The following CCSER1 variants were observed in gnomAD, a reference collection of about 807,000 sequenced individuals.
CCSER1 encodes the protein coiled-coil serine rich protein 1.
Under a neutral mutation model 82.0 loss-of-function variants are expected in CCSER1, and 41 were observed. The observed-to-expected ratio is 0.50, with a 90% CI of 0.39 to 0.65. The LOEUF is 0.65. CCSER1 is among the 30% of genes least tolerant of loss of function. The probability of loss-of-function intolerance (pLI) is 0.00; values close to 1 mark genes in which losing one functional copy is unlikely to be tolerated. For missense variants in CCSER1, 1,119 were observed against 1,064.2 expected (o/e 1.05, Z -0.72); for synonymous variants, 414 against 383.9 (o/e 1.08, Z -0.92).
In CCSER1 at chr4:90,160,768, G is replaced by A. The variant is rs560280312; in HGVS notation, c.-42+32937G>A. 1.4e-4 allele frequency among the ~76,000 whole-genome samples: 21 copies of A among 152,234 alleles called. No individual in the cohort carries two copies. The South Asian group carries it at 3.9e-3, about 29-fold the overall frequency. ...AAACAATAGAATGTAGACCTCTAGA[G>A]GAAGAGTTAACTGCACATAGGAAGC... On this transcript the variant is annotated intron_variant, in intron 1 of 10. Transcript: ENST00000509176.
At chr4:91,066,779 T>A (rs1720858963) in intron 9 of CCSER1, among the ~76,000 whole-genome samples, 1 of 152,178 alleles carries the variant, frequency 6.6e-6, no homozygotes, top group Non-Finnish European at 1.5e-5. Flanking sequence ...CATGCTAACA[T>A]TCTATGTCTT....
rs555853691 is a variant in CCSER1 at position 90,780,751 on chromosome 4, T to C, written c.2011-35011T>C. 1.2e-5 allele frequency: 15 copies of C among 1,229,728 alleles called. No homozygotes were observed. The East Asian group carries it at 5.2e-4, about 42-fold the overall frequency. The allele number at this position is 1,229,728 out of a possible 1,614,324, so 76.2% of individuals were successfully genotyped here. On this transcript the variant is annotated intron_variant, in intron 7 of 10. Transcript: ENST00000509176. ...ATACTCCCTTTTTACTTTATTAAAA[T>C]GGTTTGTAAAGGTAAACTAAATTGA...
At chr4:91,562,545 G>C (rs1036973114) in intron 10 of CCSER1, among the ~76,000 whole-genome samples, 3 of 151,324 alleles carry the variant, frequency 2.0e-5, no homozygotes, top group Non-Finnish European at 4.4e-5. Context: ...TAAATAGATG[G>C]AGGCAGCACA....
chr4:90,460,030 T>C (rs1560550594), intron 4 of CCSER1, among the ~76,000 whole-genome samples: 1 of 152,030 alleles, frequency 6.6e-6, no homozygotes, highest in African/African-American at 2.4e-5. Flanking sequence ...AAAAGAACTA[T>C]TCAAAAACTA....
chr4:90,868,673 A>T (rs1766053666), intron 8 of CCSER1, among the ~76,000 whole-genome samples: 2 of 152,004 alleles, frequency 1.3e-5, no homozygotes, highest in South Asian at 4.1e-4. Context: ...AAAAATGGAG[A>T]TATACCTTTA....
chr4:91,036,736 G>C (rs1741463294), intron 9 of CCSER1, among the ~76,000 whole-genome samples: 1 of 152,076 alleles, frequency 6.6e-6, no homozygotes, highest in African/African-American at 2.4e-5. Context: ...AAAAAATAAG[G>C]AGTTAGATAA....
intron 10 of CCSER1, among the ~76,000 whole-genome samples, chr4:91,177,360 T>C (rs1322091287): frequency 6.6e-6 from 1 of 152,324 alleles, no homozygotes; most frequent in South Asian, 2.1e-4. Context: ...GATTCCCTCT[T>C]TTTCTGTTCA....
intron 5 of CCSER1, among the ~76,000 whole-genome samples, chr4:90,622,927 T>C (rs1349556798): frequency 1.3e-5 from 2 of 152,064 alleles, no homozygotes; most frequent in Non-Finnish European, 2.9e-5. Flanking sequence ...CTCCAGCACC[T>C]GTTGTTTCCT....
chr4:90,575,684 T>G (rs569541095), intron 5 of CCSER1, among the ~76,000 whole-genome samples: 1 of 152,168 alleles, frequency 6.6e-6, no homozygotes, highest in South Asian at 2.1e-4. Context: ...AACAAATATT[T>G]ACTTTCCTCA....
At chr4:91,302,322 T>C (rs1245399013) in intron 10 of CCSER1, among the ~76,000 whole-genome samples, 1 of 152,046 alleles carries the variant, frequency 6.6e-6, no homozygotes, top group African/African-American at 2.4e-5. Context: ...TTCCTCTTTT[T>C]CTCTTCACTG....
chr4:91,148,510 GT>G (rs1456413930), intron 10 of CCSER1, among the ~76,000 whole-genome samples: 1 of 151,760 alleles, frequency 6.6e-6, no homozygotes, highest in East Asian at 1.9e-4. Flanking sequence ...TATACTTTAA[GT>G]TCCAGGGTTC....
At chr4:90,965,249 A>G (rs929857378) in intron 9 of CCSER1, among the ~76,000 whole-genome samples, 3 of 152,108 alleles carry the variant, frequency 2.0e-5, no homozygotes, top group South Asian at 4.1e-4. Flanking sequence ...TAAATGGAAA[A>G]TCTGGGAGAT....
At chr4:90,382,888 A>G (rs192223063) in intron 3 of CCSER1, among the ~76,000 whole-genome samples, 168 of 152,206 alleles carry the variant, frequency 1.1e-3, no homozygotes, top group African/African-American at 3.8e-3. Flanking sequence ...ATTGCTGAGT[A>G]TTAAATTGCA....
chr4:90,414,013 T>TATATATA (rs1755422871), intron 4 of CCSER1, among the ~76,000 whole-genome samples: 4 of 121,280 alleles, frequency 3.3e-5, no homozygotes, highest in South Asian at 3.0e-4. Context: ...TATATATATC[T>TATATATA]TCTTCCTAAA....
intron 8 of CCSER1, among the ~76,000 whole-genome samples, chr4:90,874,034 G>A (rs1766888648): frequency 6.6e-6 from 1 of 152,128 alleles, no homozygotes; most frequent in Non-Finnish European, 1.5e-5. Flanking sequence ...GAAAGAGAAT[G>A]CTAATGTAAT....
At chr4:91,139,027 CT>C (rs1728766119) in intron 10 of CCSER1, among the ~76,000 whole-genome samples, 1 of 152,232 alleles carries the variant, frequency 6.6e-6, no homozygotes, top group African/African-American at 2.4e-5. Context: ...AACCTTGCCC[CT>C]CTCCCTTCCT....
intron 6 of CCSER1, among the ~76,000 whole-genome samples, chr4:90,701,823 T>C (rs1738217641): frequency 6.6e-6 from 1 of 152,248 alleles, no homozygotes; most frequent in Admixed American, 6.5e-5. Flanking sequence ...ACATTGATTT[T>C]GTATCCTGAG....
chr4:90,939,924 T>A (rs1731394123), intron 9 of CCSER1, among the ~76,000 whole-genome samples: 1 of 152,142 alleles, frequency 6.6e-6, no homozygotes, highest in South Asian at 2.1e-4. Flanking sequence ...TATCCTATTC[T>A]TATCTCTTTC....
chr4:90,468,566 A>G, intron 5 of CCSER1: 1 of 418,780 alleles, frequency 2.4e-6, no homozygotes, highest in South Asian at 5.0e-5. Context: ...TTCAAGTTTC[A>G]TTTTGTTACC....
Sources: gnomAD v4.1 joint callset for allele counts (sites outside exome capture counted in the v4.1 genomes callset) on GRCh38, gnomAD v4.1.1 for gene constraint, MANE v1.5 for transcripts, NCBI Gene and HGNC (gene_info 2026-07-23, HGNC 2026-07-21) for gene names.